Variants in TFDP2 observed in about 807,000 individuals in gnomAD.
TFDP2 encodes the protein transcription factor Dp-2 (E2F dimerization partner 2).
TFDP2 carries 17 observed loss-of-function variants against 59.3 expected under a neutral mutation model. The ratio of observed to expected loss-of-function variants is 0.29; its 90% CI spans 0.20 to 0.43. TFDP2 has a LOEUF of 0.43. Among genes scored for constraint, TFDP2 ranks in the 20% least tolerant of loss-of-function variants. The pLI is 1.00. For missense variants in TFDP2, 391 were observed against 528.8 expected, an observed-to-expected ratio of 0.74 and a Z score of 2.56; for synonymous variants, 180 against 194.7, an observed-to-expected ratio of 0.92 and a Z score of 0.63.
At chr3:142,101,412 A>T (rs1315591955) in intron 2 of TFDP2, among the ~76,000 whole-genome samples, 1 of 152,066 alleles carries the variant, frequency 6.6e-6, no homozygotes, top group East Asian at 1.9e-4. Flanking sequence ...AAAAAGGCCA[A>T]GTAACCCTCC....
At chr3:142,048,537 A>G (rs1171387523) in intron 3 of TFDP2, among the ~76,000 whole-genome samples, 1 of 152,114 alleles carries the variant, frequency 6.6e-6, no homozygotes, top group African/African-American at 2.4e-5. Context: ...AAAGATATAA[A>G]TGCAGAGCCG....
intron 3 of TFDP2, among the ~76,000 whole-genome samples, chr3:142,048,995 TA>T (rs1427251239): frequency 6.6e-6 from 1 of 152,138 alleles, no homozygotes; most frequent in Non-Finnish European, 1.5e-5. Context: ...TTATATGAAA[TA>T]ACGAATATGA....
At chr3:142,010,203 TC>T (rs56383430) in intron 3 of TFDP2, among the ~76,000 whole-genome samples, 10,593 of 152,264 alleles carry the variant, frequency 0.07, 472 homozygotes, top group Non-Finnish European at 0.11. Flanking sequence ...TTTAACCTAC[TC>T]TTATAAATCA....
rs778287692 is a variant in TFDP2, at chr3:141,959,682, T to A, written c.1043A>T (p.Tyr348Phe). The A allele has an allele frequency of 5.6e-6, 9 of 1,614,120 alleles. No individual in the cohort carries two copies. In the East Asian group the frequency reaches 1.6e-4, roughly 28 times the overall value. Residue 348 changes from tyrosine (Y) to phenylalanine (F), a missense_variant, in exon 11 of 13, where the codon TAT becomes TTT. Coordinates refer to ENST00000489671, the MANE Select transcript of TFDP2 (RefSeq NM_001178139.2). ...AGCATCAGTTAACATACCTGTGATATAACCTTCTAAAGCCTTTGGCACCAG... is the reference window on the plus strand; with the variant it reads ...AGCATCAGTTAACATACCTGTGATAAAACCTTCTAAAGCCTTTGGCACCAG... ...KSLVPKALEG[Y>F]ITDISTGPSW...
intron 3 of TFDP2, among the ~76,000 whole-genome samples, chr3:142,086,893 C>T (rs1280905069): frequency 6.6e-6 from 1 of 152,192 alleles, no homozygotes; most frequent in Non-Finnish European, 1.5e-5. Flanking sequence ...ACAAAAGTCA[C>T]TCCTAATTAC....
chr3:142,110,681 G>A (rs773941709), intron 1 of TFDP2, among the ~76,000 whole-genome samples: 2 of 152,146 alleles, frequency 1.3e-5, no homozygotes, highest in Non-Finnish European at 2.9e-5. Context: ...GCTGGGTACA[G>A]GGGCTCACAC....
intron 1 of TFDP2, among the ~76,000 whole-genome samples, chr3:142,131,009 C>T (rs4683670): frequency 0.086 from 12,558 of 145,426 alleles, 763 homozygotes; most frequent in Middle Eastern, 0.15. Context: ...GCCAAGATCA[C>T]GCCATTGCAC....
At chr3:142,135,099 T>C (rs1043000016) in intron 1 of TFDP2, among the ~76,000 whole-genome samples, 6 of 152,118 alleles carry the variant, frequency 3.9e-5, no homozygotes, top group Non-Finnish European at 5.9e-5. Flanking sequence ...TTACAGTTTT[T>C]GTTTTGTTTT....
At chr3:142,101,032 T>C (rs1000108370) in intron 2 of TFDP2, among the ~76,000 whole-genome samples, 2 of 152,144 alleles carry the variant, frequency 1.3e-5, no homozygotes, top group South Asian at 4.1e-4. Context: ...ATAGGAACAG[T>C]AAAGCAATTA....
chr3:141,952,191 CA>C lies in TFDP2; in HGVS notation c.*321del, dbSNP rs1559905166. 1 of 206,388 alleles carries C rather than the reference CA, an allele frequency of 4.8e-6. No individual in the cohort carries two copies. Among genetic ancestry groups the C allele is most frequent in the Non-Finnish European group, 9.5e-6 (1 of 105,398 alleles). 12.8% of individuals were successfully genotyped at this position (206,388 alleles called of 1,614,324 possible). A position where few individuals can be genotyped will look rare whatever the true frequency, so the allele number is the denominator to read the frequency against. ...AATAATTACATGGGTGTGAGGAACA[CA>C]AAAATCCCACCTCACAGAAGATAAA... On this transcript the variant is annotated 3_prime_UTR_variant, in exon 13 of 13. Transcript: ENST00000489671.
rs192403042 is a variant in TFDP2, at chr3:141,965,755, C to A, written c.733-1792G>T. Among the ~76,000 whole-genome samples, 33 of 152,010 alleles carry A rather than the reference C, an allele frequency of 2.2e-4. No homozygotes were observed. The South Asian group carries it at 6.0e-3, about 28-fold the overall frequency. ...CAATTTATTGTAGACCTAAGTGTGT[C>A]CAAAAATCACTATCAATAACTAGCA... On this transcript the variant is annotated intron_variant, in intron 9 of 12. Coordinates refer to ENST00000489671, the MANE Select transcript of TFDP2 (RefSeq NM_001178139.2).
At chr3:141,990,038 C>T (rs1942586060) in intron 6 of TFDP2, among the ~76,000 whole-genome samples, 1 of 151,886 alleles carries the variant, frequency 6.6e-6, no homozygotes, top group African/African-American at 2.4e-5. Flanking sequence ...GGATTACAGG[C>T]ATGTGCCACC....
intron 3 of TFDP2, among the ~76,000 whole-genome samples, chr3:142,012,527 A>T (rs952898937): frequency 6.6e-6 from 1 of 152,162 alleles, no homozygotes; most frequent in Non-Finnish European, 1.5e-5. Context: ...AAAAGCAAAG[A>T]CCTACAAACA....
chr3:142,043,049 T>C (rs1465326360), intron 3 of TFDP2, among the ~76,000 whole-genome samples: 8 of 148,774 alleles, frequency 5.4e-5, no homozygotes. Flanking sequence ...GCGATGCTTA[T>C]TTTATTATTT....
intron 6 of TFDP2, among the ~76,000 whole-genome samples, chr3:141,986,923 C>A (rs186906340): frequency 6.6e-5 from 10 of 152,276 alleles, no homozygotes; most frequent in African/African-American, 2.4e-4. Flanking sequence ...TTCATGTTTA[C>A]TGGCCCGTTT....
At chr3:141,963,769 A>T in intron 10 of TFDP2, 43 bp downstream of exon 10, 1 of 1,553,718 alleles carries the variant, frequency 6.4e-7, no homozygotes, top group Non-Finnish European at 8.7e-7. Context: ...TGAAAATGTT[A>T]ACAGAAGGCC....
chr3:141,947,027 G>C lies in TFDP2; in HGVS notation c.*5486C>G, dbSNP rs978055655. 2.6e-5 allele frequency: 4 copies of C among 151,976 alleles called. No individual in the cohort carries two copies. Among genetic ancestry groups the C allele is most frequent in the African/African-American group, 9.7e-5 (4 of 41,390 alleles). 9.4% of individuals were successfully genotyped at this position (151,976 alleles called of 1,614,324 possible). The stretch of plus-strand genomic sequence containing the variant: ...GGGCAACAGAGCAAGACTCCATCTC[G>C]AGGGGAAAAAAAATATTATGCAAAC... On this transcript the variant is annotated 3_prime_UTR_variant, in exon 13 of 13. Coordinates refer to ENST00000489671, the MANE Select transcript of TFDP2 (RefSeq NM_001178139.2).
chr3:142,133,481 T>G (rs533127747), intron 1 of TFDP2, among the ~76,000 whole-genome samples: 1 of 149,592 alleles, frequency 6.7e-6, no homozygotes, highest in African/African-American at 2.5e-5. Context: ...GCTGGGATTA[T>G]AGGCATGAGC....
chr3:142,114,839 A>G (rs745799741), intron 1 of TFDP2, among the ~76,000 whole-genome samples: 1 of 152,196 alleles, frequency 6.6e-6, no homozygotes, highest in Non-Finnish European at 1.5e-5. Flanking sequence ...ACTTTCAGGT[A>G]CATGTATATG....
Sources: allele counts gnomAD v4.1 joint callset (sites outside exome capture counted in the v4.1 genomes callset), GRCh38; gene constraint gnomAD v4.1.1; transcripts MANE v1.5; gene names NCBI Gene and HGNC (gene_info 2026-07-23, HGNC 2026-07-21).